The following LMO7 variants were observed in gnomAD, a reference collection of about 807,000 sequenced individuals.
LMO7 encodes the protein LIM domain 7, also known as LIM domain only protein 7.
A neutral mutation model predicts 206.5 loss-of-function variants in LMO7; 120 were observed. The ratio of observed to expected loss-of-function variants is 0.58; its 90% CI spans 0.50 to 0.68. The LOEUF is 0.68. Ranked by LOEUF, LMO7 falls within the 30% of genes least tolerant of loss-of-function variation. The pLI is 0.00. For synonymous variants in LMO7, 706 were observed against 681.5 expected, an observed-to-expected ratio of 1.04 and a Z score of -0.56; for missense variants, 1,959 against 1,957.9, an observed-to-expected ratio of 1.00 and a Z score of -0.01.
At chr13:75,677,793 T>A (rs1254776659) in intron 1 of LMO7, among the ~76,000 whole-genome samples, 2 of 49,362 alleles carry the variant, frequency 4.1e-5, no homozygotes, top group Non-Finnish European at 3.8e-5. Context: ...CCCTCCCCCC[T>A]CCCCCCACCC....
chr13:75,808,155 G>C lies in LMO7; in HGVS notation c.1872G>C (p.Arg624=), dbSNP rs367844971. ...ACTTGAAGAGATGGGAGGCCATCCG[G>C]GAGGCCAGCAGACTTAGGCACAAGA... ...EADLKRWEAI[R]EASRLRHKKR... is the part of the protein sequence containing the mutation. The change falls in exon 10 of 31, where the codon CGG becomes CGC. Residue 624 remains arginine, a synonymous_variant. Transcript: ENST00000377534. 1.2e-6 allele frequency: 2 copies of C among 1,613,656 alleles called. No homozygotes were observed. The highest frequency in any genetic ancestry group is 2.7e-5 in the African/African-American group (2 of 74,912).
Position 75,858,175 on chromosome 13 carries a change from G to T in LMO7, c.*232G>T, listed in dbSNP as rs886651087. 12 of 400,506 alleles carry T rather than the reference G, an allele frequency of 3.0e-5. No individual in the cohort carries two copies. 24.8% of individuals were successfully genotyped at this position (400,506 alleles called of 1,614,324 possible). On this transcript the variant is annotated 3_prime_UTR_variant, in exon 31 of 31. Coordinates refer to ENST00000377534, the MANE Select transcript of LMO7 (RefSeq NM_001306080.2). ...GGGAAAAGTGCAGTATTTACCTGTT[G>T]AATTCAGCATCTTGAGAGCACAAGG...
rs138939872 is a variant in LMO7 at position 75,831,862 on chromosome 13, C to T, written c.2950-1189C>T. Among the ~76,000 whole-genome samples, 16 of 152,188 alleles carry T rather than the reference C, an allele frequency of 1.1e-4. No homozygotes were observed. In the East Asian group the frequency reaches 2.1e-3, roughly 20 times the overall value. On this transcript the variant is annotated intron_variant, in intron 15 of 30. Coordinates refer to ENST00000377534, the MANE Select transcript of LMO7 (RefSeq NM_001306080.2). The stretch of plus-strand genomic sequence containing the variant: ...TAAATTTTAACATGAGTTTTGGTGG[C>T]GACAAATCACATCCACACCATAGCA...
chr13:75,663,778 A>C (rs1364255680), intron 1 of LMO7, among the ~76,000 whole-genome samples: 1 of 152,148 alleles, frequency 6.6e-6, no homozygotes. Context: ...GCTTCCTTTT[A>C]ATCAAGTTCA....
intron 1 of LMO7, among the ~76,000 whole-genome samples, chr13:75,673,181 G>A (rs899905118): frequency 2.0e-5 from 3 of 152,182 alleles, no homozygotes; most frequent in African/African-American, 7.2e-5. Flanking sequence ...CTTAGGATTT[G>A]TCTTGATAGA....
At chr13:75,733,642 G>T (rs4884016) in intron 3 of LMO7, among the ~76,000 whole-genome samples, 1 of 48,688 alleles carries the variant, frequency 2.1e-5, no homozygotes, top group Non-Finnish European at 4.3e-5. Context: ...ACTGTCCTGC[G>T]CCCACTGTCT....
intron 1 of LMO7, among the ~76,000 whole-genome samples, chr13:75,641,915 C>T (rs1180522750): frequency 1.3e-5 from 2 of 152,084 alleles, no homozygotes; most frequent in Non-Finnish European, 2.9e-5. Flanking sequence ...CAGCCTTGGC[C>T]TCCTAAAGTG....
At position 75,733,684 on chromosome 13, in the gene LMO7, C is replaced by G. The variant is rs148615053; in HGVS notation, c.210+6586C>G. Among the ~76,000 whole-genome samples, 413 of 152,296 alleles carry G rather than the reference C, an allele frequency of 2.7e-3. 3 individuals are homozygous for G. The highest frequency in any genetic ancestry group is 9.7e-3 in the African/African-American group (405 of 41,574). On this transcript the variant is annotated intron_variant, in intron 3 of 30. Transcript: ENST00000377534. ...CCCTAGTGAGATGAACACGGTACTG[C>G]AGATGGAAATGCAGACATCACCCGT...
chr13:75,832,076 A>G (rs988647610), intron 15 of LMO7, among the ~76,000 whole-genome samples: 3 of 152,272 alleles, frequency 2.0e-5, no homozygotes, highest in Middle Eastern at 3.4e-3. Flanking sequence ...GAATTTTAAC[A>G]GGTAAGTCTA....
chr13:75,687,307 G>A (rs569603351), intron 1 of LMO7, among the ~76,000 whole-genome samples: 1 of 152,164 alleles, frequency 6.6e-6, no homozygotes, highest in South Asian at 2.1e-4. Context: ...ATACAGGATG[G>A]GTAAGTTTTG....
chr13:75,849,363 G>A (rs956758586), intron 27 of LMO7, 71 bp downstream of exon 27: 1 of 1,219,230 alleles, frequency 8.2e-7, no homozygotes, highest in Non-Finnish European at 1.2e-6. Flanking sequence ...AGACATCCTG[G>A]TGCTTTGGAC....
chr13:75,737,449 C>CTT (rs201120774), intron 3 of LMO7, among the ~76,000 whole-genome samples: 1 of 149,018 alleles, frequency 6.7e-6, no homozygotes, highest in African/African-American at 2.5e-5. Flanking sequence ...TAGTTAATAC[C>CTT]TTTTTTAAAA....
At chr13:75,669,095 A>C (rs2039319883) in intron 1 of LMO7, among the ~76,000 whole-genome samples, 1 of 152,212 alleles carries the variant, frequency 6.6e-6, no homozygotes, top group African/African-American at 2.4e-5. Flanking sequence ...AGGGAAACCC[A>C]GGAAAAAGAT....
intron 1 of LMO7, among the ~76,000 whole-genome samples, chr13:75,653,521 T>C (rs1160997404): frequency 6.6e-6 from 1 of 152,222 alleles, no homozygotes; most frequent in Admixed American, 6.5e-5. Context: ...GATAGCCCAG[T>C]AGAAATTTCT....
intron 1 of LMO7, among the ~76,000 whole-genome samples, chr13:75,692,531 G>A (rs2041576024): frequency 6.6e-6 from 1 of 151,806 alleles, no homozygotes; most frequent in African/African-American, 2.4e-5. Flanking sequence ...CACCACAGGC[G>A]CACACCACCA....
chr13:75,734,761 T>C (rs1190371068), intron 3 of LMO7, among the ~76,000 whole-genome samples: 2 of 152,244 alleles, frequency 1.3e-5, no homozygotes, highest in African/African-American at 4.8e-5. Flanking sequence ...GCCTCCATTC[T>C]ATATCTATCA....
chr13:75,658,807 T>C (rs933381213), intron 1 of LMO7, among the ~76,000 whole-genome samples: 2 of 151,840 alleles, frequency 1.3e-5, no homozygotes, highest in Non-Finnish European at 2.9e-5. Context: ...GCCAGGATGG[T>C]TTTAATCTCC....
intron 1 of LMO7, among the ~76,000 whole-genome samples, chr13:75,651,239 G>T (rs1050016594): frequency 1.3e-5 from 2 of 151,488 alleles, no homozygotes; most frequent in Non-Finnish European, 2.9e-5. Context: ...TTCCAGATGA[G>T]TTTCTTGCTC....
At chr13:75,701,472 A>G (rs1428891774) in intron 1 of LMO7, among the ~76,000 whole-genome samples, 1 of 152,202 alleles carries the variant, frequency 6.6e-6, no homozygotes, top group East Asian at 1.9e-4. Context: ...GTAAGTAGGT[A>G]ATTGTTGAGA....
Sources: gnomAD v4.1 joint callset for allele counts (sites outside exome capture counted in the v4.1 genomes callset) on GRCh38, gnomAD v4.1.1 for gene constraint, MANE v1.5 for transcripts, NCBI Gene and HGNC (gene_info 2026-07-23, HGNC 2026-07-21) for gene names.